SPSB1: variants seen among roughly 807,000 people sequenced by gnomAD.
SPSB1 encodes the protein SPRY domain-containing SOCS box protein 1.
In SPSB1, 8 loss-of-function variants were observed where a neutral mutation model predicts 21.2. The observed-to-expected ratio is 0.38, with a 90% CI of 0.22 to 0.68. The LOEUF (loss-of-function observed/expected upper bound fraction) is 0.68. SPSB1 is among the 30% of genes least tolerant of loss of function. SPSB1 has a pLI of 0.53. For missense variants in SPSB1, 242 were observed against 377.8 expected (o/e 0.64, Z 2.98); for synonymous variants, 169 against 161.7 (o/e 1.05, Z -0.34).
intron 1 of SPSB1, among the ~76,000 whole-genome samples, chr1:9,301,574 C>T (rs771005943): frequency 1.5e-4 from 23 of 152,028 alleles, no homozygotes; most frequent in Non-Finnish European, 2.6e-4. Context: ...ATAGACCTCC[C>T]GAGTGCGCAC....
chr1:9,334,517 G>A (rs758574590), intron 1 of SPSB1, among the ~76,000 whole-genome samples: 1 of 152,168 alleles, frequency 6.6e-6, no homozygotes, highest in Non-Finnish European at 1.5e-5. Context: ...CACCGTGCCT[G>A]GCCAAATTTA....
chr1:9,294,103 T>TGTGAGTGTGTGA (rs59559927), intron 1 of SPSB1, among the ~76,000 whole-genome samples: 1 of 149,960 alleles, frequency 6.7e-6, no homozygotes, highest in African/African-American at 2.5e-5. Context: ...TGTGTGTCTT[T>TGTGAGTGTGTGA]GTGTGTGTCT....
intron 1 of SPSB1, among the ~76,000 whole-genome samples, chr1:9,299,516 G>A (rs1639290262): frequency 6.6e-6 from 1 of 151,870 alleles, no homozygotes; most frequent in East Asian, 1.9e-4. Context: ...TTTTGCTCTT[G>A]TTGCCTAGGC....
At chr1:9,351,083 G>A (rs1190773231) in intron 1 of SPSB1, among the ~76,000 whole-genome samples, 1 of 152,220 alleles carries the variant, frequency 6.6e-6, no homozygotes, top group African/African-American at 2.4e-5. Flanking sequence ...TTTTGCATGG[G>A]GTCGGCAAAC....
intron 2 of SPSB1, among the ~76,000 whole-genome samples, chr1:9,360,860 T>TGTGGAGGCAGCCA (rs1640460329): frequency 6.6e-6 from 1 of 152,228 alleles, no homozygotes; most frequent in Admixed American, 6.5e-5. Flanking sequence ...CCGCTTCAGA[T>TGTGGAGGCAGCCA]GTGGAGGCAG....
chr1:9,354,377 G>A (rs1433815679), intron 1 of SPSB1, among the ~76,000 whole-genome samples: 2 of 152,174 alleles, frequency 1.3e-5, no homozygotes. Context: ...TTCAACGGGA[G>A]CCTGCCTTGC....
In SPSB1 at chr1:9,367,616, C is replaced by T. The variant is rs1306151570; in HGVS notation, c.*41C>T. The T allele has an allele frequency of 3.2e-6, 5 of 1,552,400 alleles. No homozygotes were observed. The highest frequency in any genetic ancestry group is 4.4e-6 in the Non-Finnish European group (5 of 1,147,010). On this transcript the variant is annotated 3_prime_UTR_variant, in exon 3 of 3. Coordinates refer to ENST00000328089, the MANE Select transcript of SPSB1 (RefSeq NM_025106.4). This position sits in a 1 kb window ranked among gnomAD's most constrained non-coding sequence, Gnocchi z 5.9. ...CGCCAGCGCGACAGCCACCTGGTGC[C>T]AACTCACTGAGCCGCCTGCCGCTGG... is the stretch of plus-strand genomic sequence containing the variant.
intron 1 of SPSB1, among the ~76,000 whole-genome samples, chr1:9,323,385 C>G (rs1639757622): frequency 6.6e-6 from 1 of 152,182 alleles, no homozygotes; most frequent in Admixed American, 6.5e-5. Context: ...CATGTCTCCC[C>G]CTGGCTGGCT....
intron 1 of SPSB1, among the ~76,000 whole-genome samples, chr1:9,320,737 G>A (rs1378238353): frequency 6.6e-6 from 1 of 152,194 alleles, no homozygotes; most frequent in Non-Finnish European, 1.5e-5. Context: ...GCTCTGGCTG[G>A]CCACGACCTT....
chr1:9,345,986 G>C lies in SPSB1; in HGVS notation c.-149-9757G>C, dbSNP rs1353727815. On this transcript the variant is annotated intron_variant, in intron 1 of 2. Transcript: ENST00000328089. This position sits in a 1 kb window ranked among gnomAD's most constrained non-coding sequence, Gnocchi z 4.8. ...AGGGGCTCCATGGCCCAGCCAGCAC[G>C]GAGCATGCCCCGAGCCCTTCCACCA... Among the ~76,000 whole-genome samples, 1 of 152,208 alleles carries C rather than the reference G, an allele frequency of 6.6e-6. No homozygotes were observed.
chr1:9,318,466 T>C (rs4908841), intron 1 of SPSB1, among the ~76,000 whole-genome samples: 106,249 of 152,134 alleles, frequency 0.7, 37,801 homozygotes, highest in African/African-American at 0.79. Context: ...CTCTTTGTCC[T>C]CAAGACCACC....
In SPSB1 at chr1:9,293,355, A is replaced by C. The variant is rs1422078448; in HGVS notation, c.-150+284A>C. On this transcript the variant is annotated intron_variant, in intron 1 of 2. Transcript: ENST00000328089. This position sits in a 1 kb window ranked among gnomAD's most constrained non-coding sequence, Gnocchi z 5.1. ...CTGCAGGGCAGGGGGTCCCGGGGCG[A>C]GGCGCGGCGGGGGTCTCGGGGCGCG... Among the ~76,000 whole-genome samples, 5 of 142,714 alleles carry C rather than the reference A, an allele frequency of 3.5e-5. No individual in the cohort carries two copies. The highest frequency in any genetic ancestry group is 7.7e-5 in the Non-Finnish European group (5 of 65,018). 93.6% of individuals were successfully genotyped at this position (142,714 alleles called of 152,430 possible).
intron 2 of SPSB1, among the ~76,000 whole-genome samples, chr1:9,366,962 G>T (rs1013705700): frequency 1.3e-5 from 2 of 152,254 alleles, no homozygotes; most frequent in Admixed American, 6.5e-5. Flanking sequence ...AGTGCTGGGG[G>T]TGCGTGCCAG....
chr1:9,356,295 A>G lies in SPSB1; in HGVS notation c.404A>G (p.Asn135Ser), dbSNP rs1640361818. 2.5e-6 allele frequency: 4 copies of G among 1,613,692 alleles called. No homozygotes were observed. In the East Asian group the frequency reaches 8.9e-5, roughly 36 times the overall value. Residue 135 changes from asparagine to serine, a missense_variant, in exon 2 of 3, where the codon AAT becomes AGT. Coordinates refer to ENST00000328089, the MANE Select transcript of SPSB1 (RefSeq NM_025106.4). This position sits in a 1 kb window ranked among gnomAD's most constrained non-coding sequence, Gnocchi z 7.4. ...GTCGGGTACACAACCCTCGTGGGGA[A>G]TAACCACGAGTCCTGGGGCTGGGAC... is the stretch of plus-strand genomic sequence containing the variant. The part of the protein sequence containing the change: ...HSVGYTTLVG[N>S]NHESWGWDLG...
Position 9,293,070 on chromosome 1 carries a change from C to T in SPSB1, c.-151C>T. Reference sequence around the variant, plus strand: ...AGCGGCGGCGGCGGCACCCCGGGCGCGGTAGGCGGCGCGGGGCACCTGGGA... The same window carrying T: ...AGCGGCGGCGGCGGCACCCCGGGCGTGGTAGGCGGCGCGGGGCACCTGGGA... On this transcript the variant is annotated splice_region_variant and 5_prime_UTR_variant, in exon 1 of 3. Coordinates refer to ENST00000328089, the MANE Select transcript of SPSB1 (RefSeq NM_025106.4). This position sits in a 1 kb window ranked among gnomAD's most constrained non-coding sequence, Gnocchi z 5.1. The T allele has an allele frequency of 1.0e-6, 1 of 979,260 alleles. No homozygotes were observed. The highest frequency in any genetic ancestry group is 1.2e-6 in the Non-Finnish European group (1 of 826,146). 60.7% of individuals were successfully genotyped at this position (979,260 alleles called of 1,614,324 possible). A position where few individuals can be genotyped will look rare whatever the true frequency, so the allele number is the denominator to read the frequency against.
chr1:9,359,705 G>GAAA (rs70979734), intron 2 of SPSB1, among the ~76,000 whole-genome samples: 44,321 of 130,436 alleles, frequency 0.34, 7,966 homozygotes, highest in East Asian at 0.54. Flanking sequence ...CCGTCTCTGG[G>GAAA]AAAAAAAAAA....
chr1:9,368,426 G>A lies in SPSB1; in HGVS notation c.*851G>A, dbSNP rs940301958. 3.9e-5 allele frequency: 6 copies of A among 152,184 alleles called. No homozygotes were observed. Among genetic ancestry groups the A allele is most frequent in the Non-Finnish European group, 7.3e-5 (5 of 68,028 alleles). 9.4% of individuals were successfully genotyped at this position (152,184 alleles called of 1,614,324 possible). A position where few individuals can be genotyped will look rare whatever the true frequency, so the allele number is the denominator to read the frequency against. ...CCAAGTTCCCTAGCGGGCCCCTCAG[G>A]GAGAAATAGCCTCACGTGCAATCTG... On this transcript the variant is annotated 3_prime_UTR_variant, in exon 3 of 3. Coordinates refer to ENST00000328089, the MANE Select transcript of SPSB1 (RefSeq NM_025106.4).
intron 1 of SPSB1, among the ~76,000 whole-genome samples, chr1:9,338,980 TC>T (rs1305141157): frequency 1.3e-5 from 2 of 152,272 alleles, no homozygotes; most frequent in African/African-American, 4.8e-5. Flanking sequence ...GCAGTGAGGA[TC>T]GAGTCTGGGC....
rs538243836 is a variant in SPSB1 at position 9,317,666 on chromosome 1, T to C, written c.-150+24595T>C. Among the ~76,000 whole-genome samples, 4 of 152,080 alleles carry C rather than the reference T, an allele frequency of 2.6e-5. No individual in the cohort carries two copies. The highest frequency in any genetic ancestry group is 5.9e-5 in the Non-Finnish European group (4 of 68,014). On this transcript the variant is annotated intron_variant, in intron 1 of 2. Coordinates refer to ENST00000328089, the MANE Select transcript of SPSB1 (RefSeq NM_025106.4). The surrounding 1 kb of genome is among the most constrained non-coding windows in gnomAD (Gnocchi z 4.3). ...ATATTTTTGTATTTTGTATTTTTTG[T>C]AGAGTTGGGGTTTCACCCTATTGCC...
Sources: gnomAD v4.1 joint callset for allele counts (sites outside exome capture counted in the v4.1 genomes callset) on GRCh38, gnomAD v4.1.1 for gene constraint, Gnocchi (gnomAD v3.1) non-coding constraint, MANE v1.5 for transcripts, NCBI Gene and HGNC (gene_info 2026-07-23, HGNC 2026-07-21) for gene names.